The following CDH13 variants were observed in gnomAD, a reference collection of about 807,000 sequenced individuals.
CDH13 encodes cadherin-13.
In CDH13, 24 loss-of-function variants were observed where a neutral mutation model predicts 63.8. That is an observed-to-expected ratio of 0.38 (90% CI 0.27 to 0.53). The LOEUF is 0.53. Among genes scored for constraint, CDH13 ranks in the 20% least tolerant of loss-of-function variants. The pLI, the probability that CDH13 is intolerant of heterozygous loss-of-function variation, is 0.85. For missense variants in CDH13, 1,049 were observed against 903.1 expected, an observed-to-expected ratio of 1.16 and a Z score of -2.07; for synonymous variants, 503 against 355.3, an observed-to-expected ratio of 1.42 and a Z score of -4.67.
At chr16:82,954,800 T>C (rs12924507) in intron 2 of CDH13, 97,666 of 151,600 alleles carry the variant, frequency 0.64, 31,872 homozygotes, top group East Asian at 0.91. Flanking sequence ...TCCACCATTA[T>C]ATCCTCAGCT....
At chr16:83,471,836 T>C (rs2073461611) in intron 6 of CDH13, among the ~76,000 whole-genome samples, 1 of 152,182 alleles carries the variant, frequency 6.6e-6, no homozygotes, top group Non-Finnish European at 1.5e-5. Flanking sequence ...TTGAGTCTCA[T>C]CGAGCACATG....
chr16:82,969,214 A>C (rs1382968992), intron 2 of CDH13, among the ~76,000 whole-genome samples: 2 of 152,230 alleles, frequency 1.3e-5, no homozygotes, highest in East Asian at 3.9e-4. Flanking sequence ...GCAAAGGGCC[A>C]GGTAGGCTTT....
chr16:82,811,687 T>G (rs986422345), intron 1 of CDH13, among the ~76,000 whole-genome samples: 1 of 152,076 alleles, frequency 6.6e-6, no homozygotes, highest in African/African-American at 2.4e-5. Context: ...TCCAAATGAG[T>G]TGCCATGGTG....
chr16:83,017,807 A>G (rs1481606896), intron 2 of CDH13, among the ~76,000 whole-genome samples: 2 of 152,204 alleles, frequency 1.3e-5, no homozygotes, highest in African/African-American at 2.4e-5. Flanking sequence ...TTGATGCCAC[A>G]GCCATTTATA....
chr16:82,667,169 G>A (rs961494180), intron 1 of CDH13, among the ~76,000 whole-genome samples: 2 of 152,210 alleles, frequency 1.3e-5, no homozygotes, highest in African/African-American at 4.8e-5. Context: ...CAGGAATGCA[G>A]CAGTAGGGTA....
intron 6 of CDH13, among the ~76,000 whole-genome samples, chr16:83,436,430 C>T (rs12149855): frequency 0.23 from 34,208 of 151,764 alleles, 4,028 homozygotes; most frequent in East Asian, 0.4. Context: ...ATGACGGTAC[C>T]AGTGCCTCAA....
intron 6 of CDH13, among the ~76,000 whole-genome samples, chr16:83,406,444 C>G (rs913908979): frequency 1.3e-5 from 2 of 148,772 alleles, no homozygotes; most frequent in Non-Finnish European, 3.0e-5. Flanking sequence ...CTCTGTCTCT[C>G]TCCCCTTTCT....
chr16:83,294,891 A>G (rs1385412999), intron 5 of CDH13, among the ~76,000 whole-genome samples: 4 of 152,148 alleles, frequency 2.6e-5, no homozygotes, highest in African/African-American at 4.8e-5. Context: ...CCTAAAAATC[A>G]TATGAAACCA....
chr16:83,600,899 C>T (rs1907723681), intron 7 of CDH13, among the ~76,000 whole-genome samples: 2 of 152,090 alleles, frequency 1.3e-5, no homozygotes, highest in South Asian at 2.1e-4. Context: ...AATTAATTCT[C>T]TTAGGATATT....
At chr16:83,765,726 G>T (rs370343048) in intron 11 of CDH13, among the ~76,000 whole-genome samples, 8 of 151,398 alleles carry the variant, frequency 5.3e-5, no homozygotes, top group African/African-American at 1.9e-4. Flanking sequence ...AGAACACAAA[G>T]TATAAAATAA....
chr16:82,699,146 T>C (rs1225943339), intron 1 of CDH13, among the ~76,000 whole-genome samples: 2 of 152,178 alleles, frequency 1.3e-5, no homozygotes, highest in African/African-American at 4.8e-5. Context: ...AGAAGCCTGA[T>C]TGTTGAAGGT....
chr16:83,567,937 G>A (rs143847889), intron 7 of CDH13, among the ~76,000 whole-genome samples: 1 of 152,284 alleles, frequency 6.6e-6, no homozygotes, highest in African/African-American at 2.4e-5. Context: ...GCCTCTAACT[G>A]CAACCAAAGC....
chr16:83,789,749 CT>C (rs1916134572), intron 13 of CDH13, among the ~76,000 whole-genome samples: 1 of 152,180 alleles, frequency 6.6e-6, no homozygotes, highest in Non-Finnish European at 1.5e-5. Context: ...TTTGATGTTT[CT>C]TTAAAGCAGG....
At chr16:83,510,460 A>C (rs1239794286) in intron 7 of CDH13, among the ~76,000 whole-genome samples, 1 of 152,204 alleles carries the variant, frequency 6.6e-6, no homozygotes, top group Non-Finnish European at 1.5e-5. Context: ...ACAACACACC[A>C]ATGAAGGAAT....
At chr16:83,006,923 TGTTTGTTTG>T (rs1041132204) in intron 2 of CDH13, among the ~76,000 whole-genome samples, 2 of 134,442 alleles carry the variant, frequency 1.5e-5, no homozygotes, top group Non-Finnish European at 3.3e-5. Flanking sequence ...TTTGTTTGTT[TGTTTGTTTG>T]TTTTTTTTGA....
intron 9 of CDH13, among the ~76,000 whole-genome samples, chr16:83,671,460 G>A (rs1286930500): frequency 6.6e-6 from 1 of 152,094 alleles, no homozygotes; most frequent in Non-Finnish European, 1.5e-5. Flanking sequence ...TGTTGCCCAG[G>A]CTTGTCTCAA....
intron 2 of CDH13, among the ~76,000 whole-genome samples, chr16:82,904,144 A>T (rs2041562599): frequency 6.6e-6 from 1 of 152,236 alleles, no homozygotes; most frequent in African/African-American, 2.4e-5. Context: ...AGAAAAAAAC[A>T]CCTGTATATA....
intron 1 of CDH13, among the ~76,000 whole-genome samples, chr16:82,815,251 G>T (rs1479411698): frequency 6.6e-6 from 1 of 152,076 alleles, no homozygotes; most frequent in African/African-American, 2.4e-5. Context: ...GACCCCGAAT[G>T]AGGGCCGAGT....
At chr16:83,699,147 A>G (rs1056176971) in intron 10 of CDH13, among the ~76,000 whole-genome samples, 4 of 152,236 alleles carry the variant, frequency 2.6e-5, no homozygotes, top group Admixed American at 1.3e-4. Context: ...CTTATAAGAC[A>G]TGGCCCCCAA....
Sources: allele counts gnomAD v4.1 joint callset (sites outside exome capture counted in the v4.1 genomes callset), GRCh38; gene constraint gnomAD v4.1.1; transcripts MANE v1.5; gene names NCBI Gene and HGNC (gene_info 2026-07-23, HGNC 2026-07-21).